Variants in LRFN5 observed in about 807,000 individuals in gnomAD.
The protein encoded by LRFN5 is leucine rich repeat and fibronectin type III domain containing 5.
In LRFN5, 24 loss-of-function variants were observed where a neutral mutation model predicts 45.6. The observed-to-expected ratio is 0.53, with a 90% CI of 0.38 to 0.74. LRFN5 has a LOEUF of 0.74. LRFN5 is among the 30% of genes least tolerant of loss of function. The pLI is 0.00. For missense variants in LRFN5, 776 were observed against 861.5 expected (o/e 0.90, Z 1.24); for synonymous variants, 340 against 313.8 (o/e 1.08, Z -0.88).
At chr14:41,819,959 G>GTTTTTT (rs71105404) in intron 2 of LRFN5, among the ~76,000 whole-genome samples, 1 of 147,802 alleles carries the variant, frequency 6.8e-6, no homozygotes, top group Non-Finnish European at 1.5e-5. Context: ...AGGGTTATTT[G>GTTTTTT]TTTTTTTTTT....
intron 1 of LRFN5, among the ~76,000 whole-genome samples, chr14:41,649,061 G>A (rs964885350): frequency 4.6e-5 from 7 of 152,006 alleles, no homozygotes; most frequent in African/African-American, 1.4e-4. Context: ...GCGATACCCC[G>A]TCTCTACTAA....
At chr14:41,893,255 T>C in intron 4 of LRFN5, 2 of 960,358 alleles carry the variant, frequency 2.1e-6, no homozygotes, top group Middle Eastern at 5.3e-4. Context: ...CTGGATAATA[T>C]GGAATTATTA....
At chr14:41,898,805 A>G in intron 4 of LRFN5, 112 bp from the exon 5 acceptor site, 1 of 990,484 alleles carries the variant, frequency 1.0e-6, no homozygotes. Flanking sequence ...CTTTAGATAA[A>G]TCTTTGTTAA....
intron 1 of LRFN5, among the ~76,000 whole-genome samples, chr14:41,669,824 C>T (rs1014637714): frequency 6.6e-6 from 1 of 150,452 alleles, no homozygotes. Context: ...GATGGTTAAA[C>T]CAATTAAAGT....
chr14:41,859,766 T>C (rs765602146), intron 2 of LRFN5, among the ~76,000 whole-genome samples: 1 of 152,222 alleles, frequency 6.6e-6, no homozygotes, highest in Non-Finnish European at 1.5e-5. Context: ...TTTTTGCTTC[T>C]CTTGAATATT....
At chr14:41,635,294 T>C (rs1470861928) in intron 1 of LRFN5, among the ~76,000 whole-genome samples, 1 of 152,200 alleles carries the variant, frequency 6.6e-6, no homozygotes, top group Non-Finnish European at 1.5e-5. Flanking sequence ...TAAAATGTCT[T>C]AGTTTGAATA....
intron 2 of LRFN5, among the ~76,000 whole-genome samples, chr14:41,883,332 T>C (rs1890453315): frequency 6.9e-6 from 1 of 143,924 alleles, no homozygotes; most frequent in Non-Finnish European, 1.5e-5. Context: ...ATTCCAGAAA[T>C]ACTATTTATA....
intron 2 of LRFN5, among the ~76,000 whole-genome samples, chr14:41,857,447 C>G (rs982700455): frequency 1.3e-5 from 2 of 152,150 alleles, no homozygotes. Flanking sequence ...GAATCTATCT[C>G]CTCGTGGTTT....
intron 1 of LRFN5, among the ~76,000 whole-genome samples, chr14:41,612,918 C>T (rs1019197239): frequency 6.6e-6 from 1 of 151,892 alleles, no homozygotes; most frequent in Non-Finnish European, 1.5e-5. Context: ...TAAGCTTTTT[C>T]ATCATATTGT....
chr14:41,741,983 T>C (rs576678779), intron 1 of LRFN5, among the ~76,000 whole-genome samples: 36 of 151,722 alleles, frequency 2.4e-4, no homozygotes, highest in African/African-American at 8.2e-4. Flanking sequence ...CTCACACCCA[T>C]TAAAATGGCT....
At chr14:41,674,748 C>T (rs772106629) in intron 1 of LRFN5, among the ~76,000 whole-genome samples, 17 of 151,372 alleles carry the variant, frequency 1.1e-4, no homozygotes, top group African/African-American at 9.7e-5. Context: ...CGGGCGGAGA[C>T]GCTCCTCACT....
chr14:41,704,243 G>A (rs1566628680), intron 1 of LRFN5, among the ~76,000 whole-genome samples: 1 of 152,074 alleles, frequency 6.6e-6, no homozygotes, highest in Non-Finnish European at 1.5e-5. Flanking sequence ...CAGAGCTGTA[G>A]TTGGGGAATT....
At chr14:41,637,626 G>A (rs1477696129) in intron 1 of LRFN5, among the ~76,000 whole-genome samples, 1 of 152,056 alleles carries the variant, frequency 6.6e-6, no homozygotes, top group Admixed American at 6.6e-5. Flanking sequence ...CTCATTGGGT[G>A]GATCCGTGTT....
intron 2 of LRFN5, among the ~76,000 whole-genome samples, chr14:41,885,657 G>C (rs1225245119): frequency 6.6e-6 from 1 of 152,098 alleles, no homozygotes; most frequent in Non-Finnish European, 1.5e-5. Context: ...AGGGAACTCG[G>C]AGCTATTGTG....
intron 1 of LRFN5, among the ~76,000 whole-genome samples, chr14:41,623,123 C>T (rs551085007): frequency 6.6e-6 from 1 of 152,220 alleles, no homozygotes; most frequent in South Asian, 2.1e-4. Flanking sequence ...AGCTTTCCAG[C>T]CCTCTAAAGG....
At position 41,887,003 on chromosome 14, in the gene LRFN5, T is replaced by C; in HGVS notation, c.378T>C (p.His126=). The C allele has an allele frequency of 6.2e-7, 1 of 1,614,168 alleles. No homozygotes were observed. The highest frequency in any genetic ancestry group is 8.5e-7 in the Non-Finnish European group (1 of 1,180,034). The part of the protein sequence containing the change: ...NDMFSGLSNL[H]HLILNNNQLT... ...TGTTCAGTGGTCTTTCCAATCTTCA[T>C]CATTTGATACTGAACAACAATCAGC... The change falls in exon 3 of 6, where the codon CAT becomes CAC. Residue 126 remains histidine, a synonymous_variant. Transcript: ENST00000298119. This position sits in a 1 kb window ranked among gnomAD's most constrained non-coding sequence, Gnocchi z 4.8.
chr14:41,613,842 T>C (rs896901423), intron 1 of LRFN5, among the ~76,000 whole-genome samples: 4 of 152,060 alleles, frequency 2.6e-5, no homozygotes, highest in African/African-American at 9.7e-5. Context: ...CACTCCACCA[T>C]GTTCAGCTCT....
intron 1 of LRFN5, among the ~76,000 whole-genome samples, chr14:41,738,179 G>A (rs369838033): frequency 2.2e-4 from 34 of 152,086 alleles, no homozygotes; most frequent in South Asian, 1.2e-3. Flanking sequence ...CAGAAGCCTC[G>A]GAAATGACAC....
intron 1 of LRFN5, among the ~76,000 whole-genome samples, chr14:41,752,336 C>A (rs1298997620): frequency 1.3e-5 from 2 of 152,174 alleles, no homozygotes. Flanking sequence ...TGAGGAATCG[C>A]CACACTGACT....
Sources: gnomAD v4.1 joint callset for allele counts (sites outside exome capture counted in the v4.1 genomes callset) on GRCh38, gnomAD v4.1.1 for gene constraint, Gnocchi (gnomAD v3.1) non-coding constraint, MANE v1.5 for transcripts, NCBI Gene and HGNC (gene_info 2026-07-23, HGNC 2026-07-21) for gene names.